The following RBFOX1 variants were observed in gnomAD, a reference collection of about 807,000 sequenced individuals.
The protein encoded by RBFOX1 is RNA binding protein fox-1 homolog 1.
A neutral mutation model predicts 57.7 loss-of-function variants in RBFOX1; 8 were observed. That is an observed-to-expected ratio of 0.14 (90% CI 0.08 to 0.25). The LOEUF is 0.25. RBFOX1 is among the 10% of genes least tolerant of loss of function. The pLI is 1.00. For synonymous variants in RBFOX1, 326 were observed against 222.4 expected, an observed-to-expected ratio of 1.47 and a Z score of -4.15; for missense variants, 611 against 548.5, an observed-to-expected ratio of 1.11 and a Z score of -1.14.
intron 2 of RBFOX1, among the ~76,000 whole-genome samples, chr16:6,486,082 C>CTT (rs71145234): frequency 0.013 from 843 of 62,960 alleles, 33 homozygotes; most frequent in African/African-American, 0.033. Flanking sequence ...CAGTAAAAGG[C>CTT]TTTTTTTTTT....
chr16:7,700,991 C>CA (rs199718429), intron 14 of RBFOX1, among the ~76,000 whole-genome samples: 4,899 of 151,488 alleles, frequency 0.032, 105 homozygotes, highest in Non-Finnish European at 0.047. Flanking sequence ...TATCCATGGG[C>CA]AAAAAAAAGC....
At chr16:5,338,469 T>C (rs76321312) in intron 1 of RBFOX1, among the ~76,000 whole-genome samples, 2,788 of 152,256 alleles carry the variant, frequency 0.018, 29 homozygotes, top group South Asian at 0.045. Context: ...GGAGAGAGAA[T>C]CAGAAACTAG....
At chr16:7,403,403 C>G (rs1357469141) in intron 4 of RBFOX1, among the ~76,000 whole-genome samples, 1 of 152,218 alleles carries the variant, frequency 6.6e-6, no homozygotes, top group Non-Finnish European at 1.5e-5. Context: ...CCTTCAGCCT[C>G]TGGCAACCAC....
intron 3 of RBFOX1, among the ~76,000 whole-genome samples, chr16:7,049,005 C>G (rs940986157): frequency 6.6e-6 from 1 of 152,054 alleles, no homozygotes; most frequent in Non-Finnish European, 1.5e-5. Context: ...TAGTCTATTC[C>G]TTAGTTCAAT....
chr16:6,817,334 T>C (rs1377627112), intron 3 of RBFOX1, among the ~76,000 whole-genome samples: 1 of 152,108 alleles, frequency 6.6e-6, no homozygotes, highest in East Asian at 1.9e-4. Flanking sequence ...ACGAGGACCC[T>C]GCTTACCTGT....
At chr16:6,601,419 G>A (rs111282669) in intron 2 of RBFOX1, among the ~76,000 whole-genome samples, 4 of 152,174 alleles carry the variant, frequency 2.6e-5, no homozygotes, top group African/African-American at 7.2e-5. Context: ...GCCAGACTCC[G>A]GGAGAGTCCT....
At position 6,215,547 on chromosome 16, in the gene RBFOX1, A is replaced by G. The variant is rs115913925; in HGVS notation, c.-126-101448A>G. ...GTTTATTTCCCATGAACGCTCCCCC[A>G]AATCCCTTGGGACTAGCAGTTGTAA... On this transcript the variant is annotated intron_variant, in intron 1 of 15. Transcript: ENST00000550418. Among the ~76,000 whole-genome samples, 1,500 of 152,192 alleles carry G rather than the reference A, an allele frequency of 9.9e-3. 23 individuals carry two copies. The highest frequency in any genetic ancestry group is 0.035 in the African/African-American group (1,437 of 41,496).
chr16:7,209,337 A>G (rs556509035), intron 4 of RBFOX1, among the ~76,000 whole-genome samples: 2 of 152,070 alleles, frequency 1.3e-5, no homozygotes, highest in South Asian at 2.1e-4. Context: ...CTCTGTTTCA[A>G]ATAAATAAAT....
intron 1 of RBFOX1, among the ~76,000 whole-genome samples, chr16:5,431,758 T>C (rs1470149418): frequency 1.3e-5 from 2 of 152,180 alleles, no homozygotes; most frequent in Non-Finnish European, 2.9e-5. Context: ...AGTTTGCTTT[T>C]TGTGTGGGTC....
intron 1 of RBFOX1, among the ~76,000 whole-genome samples, chr16:5,276,088 G>T (rs542243381): frequency 2.8e-4 from 42 of 152,292 alleles, no homozygotes; most frequent in South Asian, 6.2e-4. Context: ...AATTCTTGAA[G>T]ATAACATTGG....
At chr16:7,446,543 A>C (rs538158220) in intron 4 of RBFOX1, among the ~76,000 whole-genome samples, 1 of 152,120 alleles carries the variant, frequency 6.6e-6, no homozygotes, top group African/African-American at 2.4e-5. Context: ...TGTTAATTGC[A>C]TTTCTACCAT....
intron 1 of RBFOX1, among the ~76,000 whole-genome samples, chr16:6,099,670 G>A (rs184088572): frequency 6.6e-6 from 1 of 152,194 alleles, no homozygotes; most frequent in African/African-American, 2.4e-5. Flanking sequence ...TTTTGTGACT[G>A]TCACTTCACA....
chr16:5,360,193 G>A (rs953979260), intron 1 of RBFOX1, among the ~76,000 whole-genome samples: 3 of 152,180 alleles, frequency 2.0e-5, no homozygotes, highest in Non-Finnish European at 4.4e-5. Context: ...CCGTGGACAC[G>A]CAGGCCTGGG....
intron 3 of RBFOX1, among the ~76,000 whole-genome samples, chr16:6,771,915 G>T (rs7498375): frequency 0.037 from 5,602 of 152,166 alleles, 348 homozygotes; most frequent in African/African-American, 0.13. Context: ...TGAAGGGGCC[G>T]GAAGAGGTTA....
At chr16:5,318,620 A>T (rs183115823) in intron 1 of RBFOX1, among the ~76,000 whole-genome samples, 1 of 152,366 alleles carries the variant, frequency 6.6e-6, no homozygotes, top group East Asian at 1.9e-4. Flanking sequence ...AAAACACTTT[A>T]TCATATGGAG....
At chr16:6,190,761 A>G (rs920950742) in intron 1 of RBFOX1, among the ~76,000 whole-genome samples, 1 of 152,218 alleles carries the variant, frequency 6.6e-6, no homozygotes, top group African/African-American at 2.4e-5. Context: ...GCAGCAAAAT[A>G]TGGTGCTCAG....
intron 4 of RBFOX1, among the ~76,000 whole-genome samples, chr16:7,364,478 CT>C (rs1325859882): frequency 6.6e-6 from 1 of 150,736 alleles, no homozygotes; most frequent in Non-Finnish European, 1.5e-5. Context: ...GGTTGGGTTG[CT>C]GAGTTTCAAG....
chr16:7,631,181 G>GAGA (rs2060893711), intron 11 of RBFOX1, among the ~76,000 whole-genome samples: 2 of 152,006 alleles, frequency 1.3e-5, no homozygotes, highest in Admixed American at 6.6e-5. Flanking sequence ...GGAGGAGGAG[G>GAGA]AGGAGGAGCA....
intron 4 of RBFOX1, among the ~76,000 whole-genome samples, chr16:7,066,299 A>G (rs553002517): frequency 3.3e-5 from 5 of 152,196 alleles, no homozygotes; most frequent in East Asian, 1.9e-4. Context: ...CTTGATGTCT[A>G]TTGAGATTGC....
Sources: allele counts gnomAD v4.1 joint callset (sites outside exome capture counted in the v4.1 genomes callset), GRCh38; gene constraint gnomAD v4.1.1; transcripts MANE v1.5; gene names NCBI Gene and HGNC (gene_info 2026-07-23, HGNC 2026-07-21).